The following HNF4G variants were observed in gnomAD, a reference collection of about 807,000 sequenced individuals.
The protein encoded by HNF4G is hepatocyte nuclear factor 4 gamma.
A neutral mutation model predicts 50.9 loss-of-function variants in HNF4G; 21 were observed. The observed-to-expected ratio is 0.41, with a 90% CI of 0.29 to 0.59. HNF4G has a LOEUF of 0.59. HNF4G is among the 20% of genes least tolerant of loss of function. The pLI, the probability that HNF4G is intolerant of heterozygous loss-of-function variation, is 0.26. For missense variants in HNF4G, 527 were observed against 559.4 expected (o/e 0.94, Z 0.58); for synonymous variants, 198 against 185.6 (o/e 1.07, Z -0.54).
intron 2 of HNF4G, among the ~76,000 whole-genome samples, chr8:75,511,830 G>T (rs568914907): frequency 6.6e-6 from 1 of 152,126 alleles, no homozygotes; most frequent in African/African-American, 2.4e-5. Context: ...CACCCGCCTC[G>T]GCCTCCCAGA....
Position 75,551,373 on chromosome 8 carries a change from G to GC in HNF4G, c.383-15_383-14insC, listed in dbSNP as rs1554580216. Reference sequence around the variant, plus strand: ...AAGAGAAGTGCTCAATAAATACTGTGTTTTTTCCCCCTAGCTGTACAAAAT... The same window carrying GC: ...AAGAGAAGTGCTCAATAAATACTGTGCTTTTTTCCCCCTAGCTGTACAAAAT... On this transcript the variant is annotated splice_polypyrimidine_tract_variant and intron_variant, in intron 3 of 9. Coordinates refer to ENST00000396423, the MANE Select transcript of HNF4G (RefSeq NM_004133.5). 2.7e-6 allele frequency: 4 copies of GC among 1,503,226 alleles called. No individual in the cohort carries two copies. The highest frequency in any genetic ancestry group is 3.7e-6 in the Non-Finnish European group (4 of 1,079,774). The allele number at this position is 1,503,226 out of a possible 1,614,324, so 93.1% of individuals were successfully genotyped here.
chr8:75,458,361 T>G (rs966197168), intron 1 of HNF4G, among the ~76,000 whole-genome samples: 3 of 143,644 alleles, frequency 2.1e-5, no homozygotes, highest in Non-Finnish European at 3.0e-5. Context: ...TTATGTTTAA[T>G]GGTCTAACTT....
chr8:75,543,189 A>G lies in HNF4G; in HGVS notation c.119-622A>G, dbSNP rs571600413. Among the ~76,000 whole-genome samples, 8 of 152,316 alleles carry G rather than the reference A, an allele frequency of 5.3e-5. No individual in the cohort carries two copies. In the South Asian group the frequency reaches 1.4e-3, roughly 28 times the overall value. On this transcript the variant is annotated intron_variant, in intron 1 of 9. Coordinates refer to ENST00000396423, the MANE Select transcript of HNF4G (RefSeq NM_004133.5). ...ACCACTACTCTCTAGCCTGAGCAAC[A>G]GGGGGAACTCAGGCTCAAAAAATTA...
At chr8:75,540,780 C>A (rs937310655) in intron 1 of HNF4G, among the ~76,000 whole-genome samples, 1 of 150,800 alleles carries the variant, frequency 6.6e-6, no homozygotes, top group East Asian at 1.9e-4. Context: ...TAAAAAAAAT[C>A]TTGTTTAAAA....
chr8:75,443,685 T>C (rs1318438448), intron 1 of HNF4G, among the ~76,000 whole-genome samples: 1 of 152,204 alleles, frequency 6.6e-6, no homozygotes, highest in East Asian at 1.9e-4. Flanking sequence ...TTATGAAAAG[T>C]AAGAACATGT....
chr8:75,543,844 C>T lies in HNF4G; in HGVS notation c.152C>T (p.Thr51Ile), dbSNP rs746949101. The change falls in exon 2 of 10, where the codon ACA becomes ATA. Residue 51 changes from threonine (T) to isoleucine (I), a missense_variant. Thr to Ile is a moderately conservative substitution (Grantham distance 89). Around this residue, in one of 5 missense-constraint regions of HNF4G, gnomAD observed 84 missense variants for 87.1 expected, o/e 0.96. Coordinates refer to ENST00000396423, the MANE Select transcript of HNF4G (RefSeq NM_004133.5). The stretch of plus-strand genomic sequence containing the variant: ...GCCCCAGAGACAAGTATGAATACCA[C>T]AGACAACGGTGTCAACTGTCTGTGT... ...SSAPETSMNTTDNGVNCLCAI... is the reference protein window; with the variant it reads ...SSAPETSMNTIDNGVNCLCAI... 19 of 1,613,214 alleles carry T rather than the reference C, an allele frequency of 1.2e-5. No homozygotes were observed. The highest frequency in any genetic ancestry group is 5.0e-5 in the Admixed American group (3 of 59,774).
intron 2 of HNF4G, among the ~76,000 whole-genome samples, chr8:75,512,450 CTAT>C (rs67502734): frequency 0.28 from 40,577 of 146,772 alleles, 6,200 homozygotes; most frequent in Middle Eastern, 0.46. Context: ...ATTACTATTA[CTAT>C]TATTATTATT....
intron 2 of HNF4G, among the ~76,000 whole-genome samples, chr8:75,526,735 A>T (rs1342910863): frequency 1.4e-5 from 2 of 145,748 alleles, no homozygotes; most frequent in African/African-American, 5.1e-5. Flanking sequence ...AGAGACAGGG[A>T]CTCACTCTTC....
chr8:75,566,284 C>A lies in HNF4G; in HGVS notation c.*2188C>A, dbSNP rs1056764632. The A allele has an allele frequency of 6.6e-5, 10 of 152,164 alleles. No homozygotes were observed. Among genetic ancestry groups the A allele is most frequent in the African/African-American group, 2.2e-4 (9 of 41,440 alleles). 9.4% of individuals were successfully genotyped at this position (152,164 alleles called of 1,614,324 possible). On this transcript the variant is annotated 3_prime_UTR_variant, in exon 10 of 10. Coordinates refer to ENST00000396423, the MANE Select transcript of HNF4G (RefSeq NM_004133.5). ...AAGATACTAATTCTCATGACTGAATCACCCTCCAAAGGCCCCACCTCCTAA... is the reference window on the plus strand; with the variant it reads ...AAGATACTAATTCTCATGACTGAATAACCCTCCAAAGGCCCCACCTCCTAA...
chr8:75,551,471 C>A lies in HNF4G; in HGVS notation c.466C>A (p.Gln156Lys). 1 of 1,610,986 alleles carries A rather than the reference C, an allele frequency of 6.2e-7. No homozygotes were observed. The highest frequency in any genetic ancestry group is 1.7e-5 in the Admixed American group (1 of 59,952). The change falls in exon 4 of 10, where the codon CAA (glutamine) becomes AAA (lysine). Residue 156 changes from glutamine to lysine, a missense_variant. By Grantham distance (53) the Gln-to-Lys change is moderately conservative. This residue lies in a region of HNF4G where 128 missense variants were observed against 135.3 expected (regional missense o/e 0.95). Coordinates refer to ENST00000396423, the MANE Select transcript of HNF4G (RefSeq NM_004133.5). ...SNIPSINTLA[Q>K]AEVRSRQISV... is the part of the protein sequence containing the mutation. ...CATCCCCTCCATTAACACACTGGCA[C>A]AAGCTGAAGTTCGGTCTCGCCAGGT...
chr8:75,539,798 T>C, upstream of HNF4G: 1 of 534,312 alleles, frequency 1.9e-6, no homozygotes, highest in Non-Finnish European at 3.4e-6. Flanking sequence ...GAATATGGCC[T>C]GCTGAAGAAG....
intron 8 of HNF4G, among the ~76,000 whole-genome samples, chr8:75,559,386 G>T (rs1241344600): frequency 1.3e-5 from 2 of 151,748 alleles, no homozygotes; most frequent in Non-Finnish European, 1.5e-5. Flanking sequence ...TGATTCTCCT[G>T]CTTCAGCCTC....
chr8:75,507,469 C>T (rs1034104241), intron 2 of HNF4G, among the ~76,000 whole-genome samples: 1 of 152,134 alleles, frequency 6.6e-6, no homozygotes, highest in Non-Finnish European at 1.5e-5. Flanking sequence ...CCATCATGGC[C>T]AGGCTGGTCT....
intron 1 of HNF4G, among the ~76,000 whole-genome samples, chr8:75,464,237 C>CTT (rs5892494): frequency 0.018 from 2,619 of 149,618 alleles, 68 homozygotes; most frequent in African/African-American, 0.057. Context: ...GATTCTCTCT[C>CTT]TTTTTTTTTT....
chr8:75,436,715 C>A (rs1173027359), intron 1 of HNF4G, among the ~76,000 whole-genome samples: 1 of 152,126 alleles, frequency 6.6e-6, no homozygotes, highest in Non-Finnish European at 1.5e-5. Context: ...AGAAGCAAAG[C>A]TGTAAAGAGA....
chr8:75,490,302 C>T (rs1812593964), intron 2 of HNF4G: 2 of 152,386 alleles, frequency 1.3e-5, no homozygotes, highest in African/African-American at 2.4e-5. Flanking sequence ...GTCTGACTTG[C>T]TTGTGCTTTC....
At chr8:75,426,772 G>A (rs953305833) in intron 1 of HNF4G, among the ~76,000 whole-genome samples, 5 of 152,150 alleles carry the variant, frequency 3.3e-5, no homozygotes, top group African/African-American at 1.2e-4. Flanking sequence ...GAATAGATGC[G>A]AAGAGGTAAT....
At chr8:75,414,545 G>T (rs1276139435) in intron 1 of HNF4G, among the ~76,000 whole-genome samples, 1 of 152,038 alleles carries the variant, frequency 6.6e-6, no homozygotes, top group Admixed American at 6.6e-5. Flanking sequence ...CCTGTTCCTT[G>T]CATTCCCTTC....
intron 1 of HNF4G, among the ~76,000 whole-genome samples, chr8:75,459,967 A>G (rs985579698): frequency 6.6e-6 from 1 of 152,142 alleles, no homozygotes; most frequent in African/African-American, 2.4e-5. Context: ...TAGAGTGATC[A>G]TAGTTTTCCA....
Sources: allele counts gnomAD v4.1 joint callset (sites outside exome capture counted in the v4.1 genomes callset), GRCh38; gene constraint gnomAD v4.1.1; regional missense constraint gnomAD v4.1.1; transcripts MANE v1.5; gene names NCBI Gene and HGNC (gene_info 2026-07-23, HGNC 2026-07-21).